The following NUP93 variants were observed in gnomAD, a reference collection of about 807,000 sequenced individuals.
NUP93 encodes nucleoporin 93.
Under a neutral mutation model 107.8 loss-of-function variants are expected in NUP93, and 55 were observed. The ratio of observed to expected loss-of-function variants is 0.51; its 90% CI spans 0.41 to 0.64. The LOEUF (loss-of-function observed/expected upper bound fraction) is 0.64, where lower values mean the gene tolerates loss of function less well. NUP93 is among the 30% of genes least tolerant of loss of function. The pLI is 0.00. For missense variants in NUP93, 937 were observed against 1,044.7 expected (o/e 0.90, Z 1.42); for synonymous variants, 390 against 397.5 (o/e 0.98, Z 0.22).
intron 7 of NUP93, among the ~76,000 whole-genome samples, chr16:56,822,437 G>A (rs1054399357): frequency 7.3e-5 from 11 of 151,120 alleles, no homozygotes; most frequent in South Asian, 2.1e-4. Flanking sequence ...GCCTGAGTCC[G>A]GGGGGGCCCA....
intron 5 of NUP93, among the ~76,000 whole-genome samples, chr16:56,814,732 G>A (rs1963385549): frequency 6.6e-6 from 1 of 152,062 alleles, no homozygotes; most frequent in Non-Finnish European, 1.5e-5. Flanking sequence ...CAGACTCCTG[G>A]GTGAGCTGCT....
chr16:56,808,769 T>TATAA (rs1442882783), intron 5 of NUP93, among the ~76,000 whole-genome samples: 1 of 143,386 alleles, frequency 7.0e-6, no homozygotes, highest in Non-Finnish European at 1.5e-5. Context: ...AAAATACATA[T>TATAA]ATATAAATAC....
chr16:56,839,746 G>C (rs1381426183), intron 20 of NUP93, 142 bp downstream of exon 20: 1 of 697,474 alleles, frequency 1.4e-6, no homozygotes, highest in South Asian at 1.6e-5. Context: ...TTCCCTTTCA[G>C]ATACCTTGGC....
intron 3 of NUP93, among the ~76,000 whole-genome samples, chr16:56,794,076 AGG>A (rs1354458202): frequency 8.2e-4 from 107 of 130,614 alleles, no homozygotes; most frequent in South Asian, 4.3e-3. Flanking sequence ...ATAGATAGGT[AGG>A]TAGGTAGGTA....
intron 3 of NUP93, among the ~76,000 whole-genome samples, chr16:56,764,656 C>A (rs1379078297): frequency 2.0e-5 from 3 of 152,136 alleles, no homozygotes; most frequent in African/African-American, 7.2e-5. Flanking sequence ...GTTTGTAGTA[C>A]TGGCAAGTAG....
intron 2 of NUP93, 39 bp from the exon 3 acceptor site, chr16:56,758,498 TC>T (rs763771074): frequency 2.8e-6 from 4 of 1,451,620 alleles, no homozygotes; most frequent in Middle Eastern, 1.7e-4. Context: ...ATCCTAATTT[TC>T]CCCTTACTTA....
chr16:56,799,211 A>C (rs1346032644), intron 4 of NUP93, among the ~76,000 whole-genome samples: 2 of 152,182 alleles, frequency 1.3e-5, no homozygotes, highest in African/African-American at 4.8e-5. Context: ...GTTTCCTTTT[A>C]TTACACAATA....
chr16:56,812,736 T>A (rs1327498624), intron 5 of NUP93, among the ~76,000 whole-genome samples: 2 of 152,240 alleles, frequency 1.3e-5, no homozygotes, highest in African/African-American at 4.8e-5. Context: ...AAGAAAAAGG[T>A]ATACTTTTTA....
chr16:56,820,061 G>A (rs1596838141), intron 6 of NUP93, among the ~76,000 whole-genome samples: 1 of 152,306 alleles, frequency 6.6e-6, no homozygotes. Context: ...AGAGAAGCCT[G>A]ATGAAATACA....
intron 5 of NUP93, among the ~76,000 whole-genome samples, chr16:56,810,610 C>T (rs542722964): frequency 6.6e-6 from 1 of 152,044 alleles, no homozygotes; most frequent in South Asian, 2.1e-4. Flanking sequence ...CCAGCCTGTA[C>T]ACCCAGCCTG....
At chr16:56,789,290 G>A (rs1278523194) in intron 3 of NUP93, among the ~76,000 whole-genome samples, 1 of 152,236 alleles carries the variant, frequency 6.6e-6, no homozygotes, top group African/African-American at 2.4e-5. Flanking sequence ...ATCACCTTAT[G>A]CACATTCAAT....
chr16:56,839,446 T>G lies in NUP93; in HGVS notation c.2137-75T>G, dbSNP rs71387139. The G allele has an allele frequency of 1.3e-5, 15 of 1,195,224 alleles. No homozygotes were observed. In the South Asian group the frequency reaches 2.1e-4, roughly 17 times the overall value. The allele number at this position is 1,195,224 out of a possible 1,614,324, so 74.0% of individuals were successfully genotyped here. A position where few individuals can be genotyped will look rare whatever the true frequency, so the allele number is the denominator to read the frequency against. Reference sequence around the variant, plus strand: ...AAGAAGCCCTTTGGAGTATGTGAGGTGCTGACTTTACATGTAGAGAGATGA... The same window carrying G: ...AAGAAGCCCTTTGGAGTATGTGAGGGGCTGACTTTACATGTAGAGAGATGA... On this transcript the variant is annotated intron_variant, in intron 19 of 21. Coordinates refer to ENST00000308159, the MANE Select transcript of NUP93 (RefSeq NM_014669.5).
chr16:56,770,657 T>G (rs1267839123), intron 3 of NUP93, among the ~76,000 whole-genome samples: 1 of 152,200 alleles, frequency 6.6e-6, no homozygotes, highest in African/African-American at 2.4e-5. Flanking sequence ...TTGAACTTTT[T>G]AAACAGCATA....
intron 1 of NUP93, among the ~76,000 whole-genome samples, chr16:56,743,367 G>A (rs1961769385): frequency 6.6e-6 from 1 of 152,234 alleles, no homozygotes; most frequent in South Asian, 2.1e-4. Context: ...TGAGGAAGTA[G>A]AAGTTTGGCC....
rs192848957 is a variant in NUP93, at chr16:56,742,329, C to G, written c.-14-5905C>G. Among the ~76,000 whole-genome samples the G allele has an allele frequency of 2.6e-5, 4 of 152,218 alleles. No individual in the cohort carries two copies. In the East Asian group the frequency reaches 7.7e-4, roughly 29 times the overall value. On this transcript the variant is annotated intron_variant, in intron 1 of 21. Coordinates refer to ENST00000308159, the MANE Select transcript of NUP93 (RefSeq NM_014669.5). ...AAGTCTAGCTTAAATACCTTAGGCC[C>G]AAGAGTTGGCAAACTATGGCCTATG...
intron 21 of NUP93, chr16:56,842,463 G>C (rs1964044144): frequency 2.6e-6 from 1 of 382,902 alleles, no homozygotes; most frequent in South Asian, 2.0e-5. Context: ...GAACCCTGGG[G>C]CTCACAGCAT....
chr16:56,753,919 C>T (rs368533071), intron 2 of NUP93, among the ~76,000 whole-genome samples: 25 of 149,512 alleles, frequency 1.7e-4, no homozygotes, highest in Middle Eastern at 3.6e-3. Context: ...GGGTTGGCTA[C>T]GACATGCAAA....
At chr16:56,838,094 T>A (rs570998468) in intron 18 of NUP93, among the ~76,000 whole-genome samples, 2 of 152,226 alleles carry the variant, frequency 1.3e-5, no homozygotes, top group South Asian at 4.1e-4. Context: ...ATGGGGGAGA[T>A]TCTTAGAGGT....
chr16:56,816,817 A>G (rs1156750821), intron 5 of NUP93, among the ~76,000 whole-genome samples: 2 of 152,258 alleles, frequency 1.3e-5, no homozygotes, highest in East Asian at 1.9e-4. Flanking sequence ...ATAGCTTGAA[A>G]TCTGCCATGG....
Sources: allele counts gnomAD v4.1 joint callset (sites outside exome capture counted in the v4.1 genomes callset), GRCh38; gene constraint gnomAD v4.1.1; transcripts MANE v1.5; gene names NCBI Gene and HGNC (gene_info 2026-07-23, HGNC 2026-07-21).